The following RYR2 variants were observed in gnomAD, a reference collection of about 807,000 sequenced individuals.
The protein encoded by RYR2 is cardiac muscle ryanodine receptor-calcium release channel.
In RYR2, 227 loss-of-function variants were observed where a neutral mutation model predicts 601.1. That is an observed-to-expected ratio of 0.38 (90% CI 0.34 to 0.42). The LOEUF is 0.42. Among genes scored for constraint, RYR2 ranks in the 10% least tolerant of loss-of-function variants. RYR2 has a pLI of 1.00. For synonymous variants in RYR2, 2,223 were observed against 2,175.1 expected (o/e 1.02, Z -0.61); for missense variants, 4,646 against 6,156.5 (o/e 0.75, Z 8.21).
chr1:237,496,096 T>C (rs1207222898), intron 19 of RYR2, among the ~76,000 whole-genome samples: 1 of 152,162 alleles, frequency 6.6e-6, no homozygotes, highest in African/African-American at 2.4e-5. Context: ...TAGAGAAGCA[T>C]GACTAATGTT....
At chr1:237,628,369 C>T (rs1052675772) in intron 41 of RYR2, among the ~76,000 whole-genome samples, 8 of 138,678 alleles carry the variant, frequency 5.8e-5, no homozygotes, top group Admixed American at 2.1e-4. Context: ...ATCCCTCCCC[C>T]CTCCCCCCAC....
chr1:237,509,702 A>G (rs1258817350), intron 23 of RYR2, among the ~76,000 whole-genome samples: 1 of 152,202 alleles, frequency 6.6e-6, no homozygotes, highest in Non-Finnish European at 1.5e-5. Flanking sequence ...TCTTTAGTTG[A>G]ATGATTGGTA....
chr1:237,046,586 C>G (rs1660635122), intron 1 of RYR2, among the ~76,000 whole-genome samples: 1 of 152,190 alleles, frequency 6.6e-6, no homozygotes, highest in Non-Finnish European at 1.5e-5. Flanking sequence ...TTTATTTTAA[C>G]TTAGAAATTA....
intron 1 of RYR2, among the ~76,000 whole-genome samples, chr1:237,174,565 C>T (rs2152886): frequency 0.047 from 7,100 of 152,248 alleles, 535 homozygotes; most frequent in African/African-American, 0.15. Context: ...TCTGGCCCTT[C>T]CCTACCTATG....
chr1:237,089,869 G>A (rs1012643857), intron 1 of RYR2, among the ~76,000 whole-genome samples: 2 of 152,084 alleles, frequency 1.3e-5, no homozygotes, highest in African/African-American at 2.4e-5. Flanking sequence ...TGGTGTGGTC[G>A]GCTGAATAAG....
chr1:237,826,453 G>A lies in RYR2; in HGVS notation c.14591-1928G>A, dbSNP rs188630466. Among the ~76,000 whole-genome samples the A allele has an allele frequency of 2.9e-3, 434 of 152,176 alleles. 3 individuals carry two copies. The highest frequency in any genetic ancestry group is 4.7e-3 in the Non-Finnish European group (323 of 68,030). ...CGCCACATGTTCTCACTCATAAGTG[G>A]GAGTTAAACAATGGTAACACATTGG... On this transcript the variant is annotated intron_variant, in intron 101 of 104. Coordinates refer to ENST00000366574, the MANE Select transcript of RYR2 (RefSeq NM_001035.3).
Position 237,640,878 on chromosome 1 carries a change from T to C in RYR2, c.7116-19T>C. 6.2e-7 allele frequency: 1 copy of C among 1,602,544 alleles called. No individual in the cohort carries two copies. Among genetic ancestry groups the C allele is most frequent in the Non-Finnish European group, 8.5e-7 (1 of 1,172,268 alleles). On this transcript the variant is annotated intron_variant, in intron 46 of 104. Transcript: ENST00000366574. ...GTTATCCCATTTGCTTTCTCTTTCT[T>C]TTGAAACATTCATGAAAGTGACACA...
chr1:237,229,399 G>A (rs565170754), intron 1 of RYR2, among the ~76,000 whole-genome samples: 3 of 152,278 alleles, frequency 2.0e-5, no homozygotes, highest in East Asian at 1.9e-4. Flanking sequence ...AATGAAGGAC[G>A]TCGGTTAAAG....
chr1:237,687,560 T>A, intron 63 of RYR2, 56 bp downstream of exon 63: 1 of 1,325,092 alleles, frequency 7.5e-7, no homozygotes. Flanking sequence ...TTCTTTGCCA[T>A]TTTTGCACTG....
intron 62 of RYR2, among the ~76,000 whole-genome samples, chr1:237,681,609 A>G (rs544716805): frequency 1.1e-4 from 17 of 152,246 alleles, no homozygotes; most frequent in Non-Finnish European, 2.2e-4. Context: ...AGTTAAAATA[A>G]CAGCAGGAAT....
In RYR2 at chr1:237,833,351, G is replaced by GCCCCCCCCCCCCCCCCC. The variant is rs397983403; in HGVS notation, c.*716_*717insCCCCCCCCCCCCCCCCC. ...TTCTCATTCAGCTAAATTCACATTTGCCCCCCCCCCCCGCCCCCGCCCCCA... is the reference window on the plus strand; with the variant it reads ...TTCTCATTCAGCTAAATTCACATTTGCCCCCCCCCCCCCCCCCCCCCCCCCCCCCGCCCCCGCCCCCA... On this transcript the variant is annotated 3_prime_UTR_variant, in exon 105 of 105. Coordinates refer to ENST00000366574, the MANE Select transcript of RYR2 (RefSeq NM_001035.3). 8 of 109,092 alleles carry GCCCCCCCCCCCCCCCCC rather than the reference G, an allele frequency of 7.3e-5. No individual in the cohort carries two copies. Among genetic ancestry groups the GCCCCCCCCCCCCCCCCC allele is most frequent in the Admixed American group, 2.1e-4 (2 of 9,556 alleles). The allele number at this position is 109,092 out of a possible 1,614,324, so 6.8% of individuals were successfully genotyped here.
At chr1:237,662,699 A>G (rs1573400987) in intron 56 of RYR2, among the ~76,000 whole-genome samples, 1 of 152,344 alleles carries the variant, frequency 6.6e-6, no homozygotes, top group East Asian at 1.9e-4. Flanking sequence ...AATAGACCCT[A>G]TTAACCCGTG....
At chr1:237,469,067 GT>G in intron 16 of RYR2, 24 bp from the exon 17 acceptor site, 1 of 1,594,392 alleles carries the variant, frequency 6.3e-7, no homozygotes. Flanking sequence ...TCACATAAAG[GT>G]GAAATCTATT....
At chr1:237,181,881 TAATCCAGACAGACTAGCGTCAC>T in intron 1 of RYR2, among the ~76,000 whole-genome samples, 1 of 152,158 alleles carries the variant, frequency 6.6e-6, no homozygotes, top group South Asian at 2.1e-4. Flanking sequence ...CCGTGATGGT[TAATCCAGACAGACTAGCGTCAC>T]AATCTGGCCA....
At chr1:237,093,246 T>A (rs777172453) in intron 1 of RYR2, among the ~76,000 whole-genome samples, 1 of 152,126 alleles carries the variant, frequency 6.6e-6, no homozygotes, top group Non-Finnish European at 1.5e-5. Context: ...GAGAACCTGA[T>A]GGGAGGCTCC....
intron 4 of RYR2, among the ~76,000 whole-genome samples, chr1:237,362,711 G>T (rs1056935732): frequency 6.6e-6 from 1 of 152,106 alleles, no homozygotes; most frequent in African/African-American, 2.4e-5. Context: ...ACAAGAAATG[G>T]TTTGTACAGA....
rs144812384 is a variant in RYR2 at position 237,663,048 on chromosome 1, G to T, written c.8436+2101G>T. On this transcript the variant is annotated intron_variant, in intron 56 of 104. Transcript: ENST00000366574. ...GTATATTTGTGTTTGTAGCACTTTGGCCTGTAGGTGGGAAAGAAAGAATAT... is the reference window on the plus strand; with the variant it reads ...GTATATTTGTGTTTGTAGCACTTTGTCCTGTAGGTGGGAAAGAAAGAATAT... Among the ~76,000 whole-genome samples the T allele has an allele frequency of 1.2e-3, 180 of 152,282 alleles. 2 individuals carry two copies. The highest frequency in any genetic ancestry group is 3.9e-3 in the African/African-American group (161 of 41,566).
At chr1:237,825,966 T>C (rs1211957624) in intron 101 of RYR2, among the ~76,000 whole-genome samples, 1 of 152,160 alleles carries the variant, frequency 6.6e-6, no homozygotes, top group Admixed American at 6.5e-5. Flanking sequence ...CACAGTGAGA[T>C]ACCATCTCAT....
chr1:237,553,056 T>A (rs1035531889), intron 27 of RYR2, among the ~76,000 whole-genome samples: 4 of 152,086 alleles, frequency 2.6e-5, no homozygotes, highest in African/African-American at 9.6e-5. Context: ...ACTTTCTTAA[T>A]GAGGTCTTTC....
Sources: allele counts gnomAD v4.1 joint callset (sites outside exome capture counted in the v4.1 genomes callset), GRCh38; gene constraint gnomAD v4.1.1; transcripts MANE v1.5; gene names NCBI Gene and HGNC (gene_info 2026-07-23, HGNC 2026-07-21).